The following ABLIM2 variants were observed in gnomAD, a reference collection of about 807,000 sequenced individuals.
ABLIM2 encodes actin binding LIM protein family member 2, also known as actin-binding LIM protein 2.
ABLIM2 carries 53 observed loss-of-function variants against 97.7 expected under a neutral mutation model. That is an observed-to-expected ratio of 0.54 (90% CI 0.44 to 0.68). The LOEUF (loss-of-function observed/expected upper bound fraction) is 0.68, where lower values mean the gene tolerates loss of function less well. Ranked by LOEUF, ABLIM2 falls within the 30% of genes least tolerant of loss-of-function variation. The pLI is 0.00. For missense variants in ABLIM2, 835 were observed against 867.2 expected (o/e 0.96, Z 0.47); for synonymous variants, 361 against 345.8 (o/e 1.04, Z -0.49).
Position 8,045,387 on chromosome 4 carries a change from A to T in ABLIM2, c.823-146T>A, listed in dbSNP as rs1791648483. 4.0e-6 allele frequency: 3 copies of T among 742,680 alleles called. No individual in the cohort carries two copies. The East Asian group carries it at 7.9e-5, about 20-fold the overall frequency. The allele number at this position is 742,680 out of a possible 1,614,324, so 46.0% of individuals were successfully genotyped here. On this transcript the variant is annotated intron_variant, in intron 8 of 20. Transcript: ENST00000447017. The stretch of plus-strand genomic sequence containing the variant: ...GGGGCTGGGCCGGGCACGGCGGCTC[A>T]CGCCTATAATCCCAGCACTTTGGGA...
intron 1 of ABLIM2, among the ~76,000 whole-genome samples, chr4:8,153,859 C>G (rs11728752): frequency 0.33 from 49,739 of 152,100 alleles, 8,631 homozygotes; most frequent in East Asian, 0.48. Context: ...AGATGGGCAC[C>G]GACGGCACTT....
rs191667633 is a variant in ABLIM2, at chr4:8,071,704, C to T, written c.675+5924G>A. The stretch of plus-strand genomic sequence containing the variant: ...CTCTGTCCCCAAAAACCCACCCACC[C>T]GCAGCCCCTCCTGGCCCCTGTGAGC... On this transcript the variant is annotated intron_variant, in intron 6 of 20. Coordinates refer to ENST00000447017, the MANE Select transcript of ABLIM2 (RefSeq NM_001130083.2). This position sits in a 1 kb window ranked among gnomAD's most constrained non-coding sequence, Gnocchi z 6.2. The T allele has an allele frequency of 5.1e-5, 47 of 923,524 alleles. No homozygotes were observed. The highest frequency in any genetic ancestry group is 1.8e-4 in the African/African-American group (10 of 56,110). The allele number at this position is 923,524 out of a possible 1,614,324, so 57.2% of individuals were successfully genotyped here.
rs1850889778 is a variant in ABLIM2, at chr4:8,140,980, C to CCA, written c.10+17698_10+17699dup. Among the ~76,000 whole-genome samples, 3 of 152,268 alleles carry CCA rather than the reference C, an allele frequency of 2.0e-5. No homozygotes were observed. In the South Asian group the frequency reaches 6.2e-4, roughly 32 times the overall value. On this transcript the variant is annotated intron_variant, in intron 1 of 20. Coordinates refer to ENST00000447017, the MANE Select transcript of ABLIM2 (RefSeq NM_001130083.2). The surrounding 1 kb of genome is among the most constrained non-coding windows in gnomAD (Gnocchi z 5.9). ...TGCAGCTGTGGGCTGGTCTCCAAGGCCACTGAACCTGACCTCAGGCTCAGG... is the reference window on the plus strand; with the variant it reads ...TGCAGCTGTGGGCTGGTCTCCAAGGCCACACTGAACCTGACCTCAGGCTCAGG...
chr4:8,051,425 T>C (rs144166071), intron 8 of ABLIM2, among the ~76,000 whole-genome samples: 8,129 of 150,422 alleles, frequency 0.054, 542 homozygotes, highest in African/African-American at 0.16. Flanking sequence ...GACGTGGTGG[T>C]GCGTGGCTGT....
chr4:8,102,311 T>C (rs1246953195), intron 2 of ABLIM2, among the ~76,000 whole-genome samples: 4 of 152,196 alleles, frequency 2.6e-5, no homozygotes, highest in African/African-American at 9.6e-5. Flanking sequence ...TGCCCAAAGG[T>C]CACCTCCTCC....
intron 2 of ABLIM2, among the ~76,000 whole-genome samples, chr4:8,105,159 G>C (rs1836650066): frequency 6.6e-6 from 1 of 152,174 alleles, no homozygotes; most frequent in Non-Finnish European, 1.5e-5. Context: ...CCTTCTGTCT[G>C]GAGCAGCCTT....
chr4:8,034,258 G>A (rs1782782762), intron 10 of ABLIM2, among the ~76,000 whole-genome samples: 3 of 152,068 alleles, frequency 2.0e-5, no homozygotes, highest in Admixed American at 2.0e-4. Context: ...GTACAGGTGG[G>A]TGCAGTGGGT....
At chr4:8,074,078 ACT>A (rs2152369423) in intron 6 of ABLIM2, among the ~76,000 whole-genome samples, 1 of 133,202 alleles carries the variant, frequency 7.5e-6, no homozygotes, top group East Asian at 2.2e-4. Context: ...CAAGAGTAAA[ACT>A]CTGTCTCACA....
intron 12 of ABLIM2, among the ~76,000 whole-genome samples, chr4:8,026,025 T>C (rs1038858425): frequency 7.2e-5 from 11 of 152,214 alleles, no homozygotes; most frequent in African/African-American, 2.7e-4. Context: ...TGTTGTTGTC[T>C]GAGACAGGGT....
At chr4:7,987,272 C>T (rs1248906229) in intron 17 of ABLIM2, among the ~76,000 whole-genome samples, 1 of 152,036 alleles carries the variant, frequency 6.6e-6, no homozygotes, top group African/African-American at 2.4e-5. Flanking sequence ...GCCACTGCGC[C>T]TGGCCATGCC....
chr4:8,056,382 C>A (rs1799181691), intron 7 of ABLIM2, among the ~76,000 whole-genome samples: 1 of 150,116 alleles, frequency 6.7e-6, no homozygotes, highest in Admixed American at 6.7e-5. Flanking sequence ...CTCACTGCAG[C>A]CCCCACCTCT....
At chr4:8,091,350 T>A (rs1266229697) in intron 3 of ABLIM2, among the ~76,000 whole-genome samples, 195 of 15,988 alleles carry the variant, frequency 0.012, 3 homozygotes, top group Middle Eastern at 0.071. Context: ...AATATATATA[T>A]AATTATATAT....
At position 8,102,708 on chromosome 4, in the gene ABLIM2, CAAGT is replaced by C. The variant is rs539610921; in HGVS notation, c.154+3782_154+3785del. On this transcript the variant is annotated intron_variant, in intron 2 of 20. Transcript: ENST00000447017. Reference sequence around the variant, plus strand: ...AGATTTTCCCAGGTAAACTGAGGCACAAGTAAGTGCCTGGGTAGTGGGAACCCAA... The same window carrying C: ...AGATTTTCCCAGGTAAACTGAGGCACAAGTGCCTGGGTAGTGGGAACCCAA... Among the ~76,000 whole-genome samples, 9 of 152,328 alleles carry C rather than the reference CAAGT, an allele frequency of 5.9e-5. No individual in the cohort carries two copies. The South Asian group carries it at 1.0e-3, about 18-fold the overall frequency.
At chr4:8,066,089 C>T (rs1258983486) in intron 6 of ABLIM2, among the ~76,000 whole-genome samples, 1 of 149,936 alleles carries the variant, frequency 6.7e-6, no homozygotes, top group Non-Finnish European at 1.5e-5. Flanking sequence ...ATCATGAGGT[C>T]AGGAGATGGA....
At chr4:7,971,933 C>T (rs866497579) in intron 20 of ABLIM2, among the ~76,000 whole-genome samples, 3 of 152,170 alleles carry the variant, frequency 2.0e-5, no homozygotes, top group Admixed American at 6.5e-5. Context: ...CAGCAAGGGG[C>T]CACTTTTCTC....
Position 8,058,312 on chromosome 4 carries a change from G to A in ABLIM2, c.763+2655C>T, listed in dbSNP as rs530835823. Among the ~76,000 whole-genome samples, 1 of 152,304 alleles carries A rather than the reference G, an allele frequency of 6.6e-6. No individual in the cohort carries two copies. The highest frequency in any genetic ancestry group is 2.4e-5 in the African/African-American group (1 of 41,582). Reference sequence around the variant, plus strand: ...TCGAGCAGAGACTCAAGGAACAGGCGACACCGGGGACGAGGCTGTCCTGTC... The same window carrying A: ...TCGAGCAGAGACTCAAGGAACAGGCAACACCGGGGACGAGGCTGTCCTGTC... On this transcript the variant is annotated intron_variant, in intron 7 of 20. Coordinates refer to ENST00000447017, the MANE Select transcript of ABLIM2 (RefSeq NM_001130083.2). The surrounding 1 kb of genome is among the most constrained non-coding windows in gnomAD (Gnocchi z 4.2).
At chr4:8,108,863 G>A (rs1197407128) in intron 1 of ABLIM2, among the ~76,000 whole-genome samples, 2 of 152,250 alleles carry the variant, frequency 1.3e-5, no homozygotes, top group African/African-American at 4.8e-5. Flanking sequence ...TCTAACGCCA[G>A]CTCCCCCTGT....
At chr4:8,030,599 T>C (rs1780332181) in intron 10 of ABLIM2, among the ~76,000 whole-genome samples, 1 of 152,202 alleles carries the variant, frequency 6.6e-6, no homozygotes, top group African/African-American at 2.4e-5. Flanking sequence ...GCCACCTCCA[T>C]GCGCTCAGGC....
chr4:8,048,634 C>T (rs768466351), intron 8 of ABLIM2, among the ~76,000 whole-genome samples: 2 of 152,224 alleles, frequency 1.3e-5, no homozygotes, highest in African/African-American at 4.8e-5. Context: ...TCAGCCGGAA[C>T]GGCCCCGCGT....
Sources: gnomAD v4.1 joint callset for allele counts (sites outside exome capture counted in the v4.1 genomes callset) on GRCh38, gnomAD v4.1.1 for gene constraint, Gnocchi (gnomAD v3.1) non-coding constraint, MANE v1.5 for transcripts, NCBI Gene and HGNC (gene_info 2026-07-23, HGNC 2026-07-21) for gene names.